Variants in DLG1 observed in about 807,000 individuals in gnomAD.
DLG1 encodes discs large MAGUK scaffold protein 1.
A neutral mutation model predicts 123.4 loss-of-function variants in DLG1; 42 were observed. That is an observed-to-expected ratio of 0.34 (90% CI 0.27 to 0.44). The LOEUF (loss-of-function observed/expected upper bound fraction) is 0.44, where lower values mean the gene tolerates loss of function less well. Ranked by LOEUF, DLG1 falls within the 20% of genes least tolerant of loss-of-function variation. DLG1 has a pLI of 1.00. For missense variants in DLG1, 942 were observed against 1,082.6 expected (o/e 0.87, Z 1.82); for synonymous variants, 317 against 356.2 (o/e 0.89, Z 1.24).
intron 4 of DLG1, among the ~76,000 whole-genome samples, chr3:197,205,657 A>G (rs542588697): frequency 1.1e-3 from 173 of 152,338 alleles, no homozygotes; most frequent in Non-Finnish European, 2.2e-3. Flanking sequence ...TAAAACCGAC[A>G]TTACAATTAA....
intron 5 of DLG1, among the ~76,000 whole-genome samples, chr3:197,171,634 ACT>A (rs1293997919): frequency 1.3e-5 from 2 of 152,164 alleles, no homozygotes; most frequent in Non-Finnish European, 2.9e-5. Context: ...TACCTGTGAG[ACT>A]CACAATATTC....
At position 197,183,455 on chromosome 3, in the gene DLG1, T is replaced by C. The variant is rs943754923; in HGVS notation, c.483+10970A>G. On this transcript the variant is annotated intron_variant, in intron 5 of 24. Transcript: ENST00000667157. ...TACACGGATGGACAGAAAACATACA[T>C]TTCTACACATCCAAGGTTTCAAGGC... 3.3e-6 allele frequency: 3 copies of C among 911,180 alleles called. No individual in the cohort carries two copies. The African/African-American group carries it at 5.0e-5, about 15-fold the overall frequency. 56.4% of individuals were successfully genotyped at this position (911,180 alleles called of 1,614,324 possible). A position where few individuals can be genotyped will look rare whatever the true frequency, so the allele number is the denominator to read the frequency against.
At chr3:197,242,380 C>A (rs1749379196) in intron 4 of DLG1, among the ~76,000 whole-genome samples, 1 of 151,896 alleles carries the variant, frequency 6.6e-6, no homozygotes, top group Non-Finnish European at 1.5e-5. Context: ...GGACAGATAA[C>A]CCAGACAGAA....
At chr3:197,218,960 GTC>G (rs1325745240) in intron 4 of DLG1, among the ~76,000 whole-genome samples, 1 of 152,002 alleles carries the variant, frequency 6.6e-6, no homozygotes, top group Non-Finnish European at 1.5e-5. Flanking sequence ...GGAGAAACCC[GTC>G]TCTAGTAAAA....
At chr3:197,289,180 G>A (rs949518489) in intron 3 of DLG1, among the ~76,000 whole-genome samples, 2 of 152,234 alleles carry the variant, frequency 1.3e-5, no homozygotes, top group African/African-American at 2.4e-5. Context: ...ACAAGAGCTA[G>A]TGTTAAATTT....
intron 13 of DLG1, among the ~76,000 whole-genome samples, chr3:197,115,503 G>C (rs1414737271): frequency 1.3e-5 from 2 of 151,730 alleles, no homozygotes; most frequent in African/African-American, 2.4e-5. Flanking sequence ...AATTTCAAAA[G>C]ACATACTAAA....
At chr3:197,274,735 A>C (rs1765579913) in intron 4 of DLG1, among the ~76,000 whole-genome samples, 1 of 152,236 alleles carries the variant, frequency 6.6e-6, no homozygotes, top group African/African-American at 2.4e-5. Context: ...GACAAGTATT[A>C]ATAACCAGAA....
intron 13 of DLG1, among the ~76,000 whole-genome samples, chr3:197,106,387 CAG>C (rs1766374662): frequency 6.6e-6 from 1 of 152,156 alleles, no homozygotes; most frequent in Non-Finnish European, 1.5e-5. Context: ...GCCTGGGTGA[CAG>C]AGAGAGGGAC....
In DLG1 at chr3:197,136,563, C is replaced by G; in HGVS notation, c.999G>C (p.Gln333His). Residue 333 changes from glutamine to histidine, a missense_variant, in exon 10 of 25, where the codon CAG (glutamine) becomes CAC (histidine). Coordinates refer to ENST00000667157, the MANE Select transcript of DLG1 (RefSeq NM_001366207.1). ...TTACTGCTAAAAGTTTATCTCCAATCTGAAGTTTGCCATCCTTATGTGCTG... is the reference window on the plus strand; with the variant it reads ...TTACTGCTAAAAGTTTATCTCCAATGTGAAGTTTGCCATCCTTATGTGCTG... ...GGAAHKDGKL[Q>H]IGDKLLAVNN... 6.2e-7 allele frequency: 1 copy of G among 1,611,892 alleles called. No homozygotes were observed. The highest frequency in any genetic ancestry group is 8.5e-7 in the Non-Finnish European group (1 of 1,179,240).
chr3:197,048,484 A>C (rs1202484082), intron 24 of DLG1, among the ~76,000 whole-genome samples: 1 of 152,170 alleles, frequency 6.6e-6, no homozygotes, highest in African/African-American at 2.4e-5. Flanking sequence ...CACACACGCA[A>C]ACCATAATGA....
At chr3:197,108,493 C>G (rs9821148) in intron 13 of DLG1, among the ~76,000 whole-genome samples, 1 of 152,016 alleles carries the variant, frequency 6.6e-6, no homozygotes, top group Non-Finnish European at 1.5e-5. Context: ...TATTAAAATT[C>G]TCTATTTCTT....
chr3:197,108,638 T>C (rs1767987730), intron 13 of DLG1, among the ~76,000 whole-genome samples: 1 of 152,224 alleles, frequency 6.6e-6, no homozygotes, highest in East Asian at 1.9e-4. Context: ...AATAATGTTT[T>C]TCTTCAAGCG....
At chr3:197,059,007 G>T (rs1408671992) in intron 23 of DLG1, among the ~76,000 whole-genome samples, 1 of 152,104 alleles carries the variant, frequency 6.6e-6, no homozygotes, top group African/African-American at 2.4e-5. Context: ...CTCACTGCAA[G>T]CTCCGCCTCC....
intron 23 of DLG1, among the ~76,000 whole-genome samples, chr3:197,059,479 A>G (rs1345399078): frequency 6.6e-6 from 1 of 152,106 alleles, no homozygotes; most frequent in Non-Finnish European, 1.5e-5. Context: ...CTCACTATTT[A>G]TATGGTTCTG....
At chr3:197,233,676 T>C (rs1016529589) in intron 4 of DLG1, among the ~76,000 whole-genome samples, 1 of 152,190 alleles carries the variant, frequency 6.6e-6, no homozygotes, top group Non-Finnish European at 1.5e-5. Flanking sequence ...TGAGCCACCA[T>C]GCCTGGCTAA....
chr3:197,131,633 G>A (rs1295482358), intron 10 of DLG1, among the ~76,000 whole-genome samples: 53 of 110,534 alleles, frequency 4.8e-4, no homozygotes, highest in Admixed American at 5.6e-4. Flanking sequence ...TCGCTCTGTC[G>A]CCCAGGCTGG....
At chr3:197,258,165 C>T (rs1459436568) in intron 4 of DLG1, among the ~76,000 whole-genome samples, 1 of 151,840 alleles carries the variant, frequency 6.6e-6, no homozygotes, top group Non-Finnish European at 1.5e-5. Context: ...TTTTTTAACT[C>T]GAAGAGAAGT....
chr3:197,214,069 T>C (rs1444305341), intron 4 of DLG1, among the ~76,000 whole-genome samples: 1 of 152,084 alleles, frequency 6.6e-6, no homozygotes, highest in Non-Finnish European at 1.5e-5. Context: ...AATATGCAAA[T>C]GTAATAGCTG....
chr3:197,051,781 CTGAAA>C, intron 23 of DLG1, 113 bp from the exon 24 acceptor site: 1 of 700,650 alleles, frequency 1.4e-6, no homozygotes, highest in Non-Finnish European at 2.3e-6. Context: ...TTGAACTCTG[CTGAAA>C]ATATGAATGT....
Sources: allele counts gnomAD v4.1 joint callset (sites outside exome capture counted in the v4.1 genomes callset), GRCh38; gene constraint gnomAD v4.1.1; transcripts MANE v1.5; gene names NCBI Gene and HGNC (gene_info 2026-07-23, HGNC 2026-07-21).